Variants in BMPR1B observed in about 807,000 individuals in gnomAD.
BMPR1B encodes the protein bone morphogenetic protein receptor type 1B.
In BMPR1B, 12 loss-of-function variants were observed where a neutral mutation model predicts 59.1. The ratio of observed to expected loss-of-function variants is 0.20; its 90% CI spans 0.13 to 0.33. BMPR1B has a LOEUF of 0.33. Among genes scored for constraint, BMPR1B ranks in the 10% least tolerant of loss-of-function variants. The pLI is 1.00. For synonymous variants in BMPR1B, 237 were observed against 207.3 expected (o/e 1.14, Z -1.23); for missense variants, 550 against 610.9 (o/e 0.90, Z 1.05).
At chr4:94,885,628 A>G (rs1727143021) in intron 2 of BMPR1B, among the ~76,000 whole-genome samples, 1 of 152,178 alleles carries the variant, frequency 6.6e-6, no homozygotes, top group Non-Finnish European at 1.5e-5. Flanking sequence ...GGAAATGTTA[A>G]GTTTATATAG....
At chr4:94,861,051 G>A (rs1028389576) in intron 1 of BMPR1B, among the ~76,000 whole-genome samples, 5 of 150,402 alleles carry the variant, frequency 3.3e-5, no homozygotes, top group Non-Finnish European at 7.4e-5. Context: ...ATTTTATTCT[G>A]TATTCCTTCA....
intron 3 of BMPR1B, among the ~76,000 whole-genome samples, chr4:95,014,695 T>C (rs1723460654): frequency 6.6e-6 from 1 of 152,160 alleles, no homozygotes; most frequent in Admixed American, 6.5e-5. Flanking sequence ...TCCTTTAATA[T>C]CATCTTTTAT....
chr4:94,895,353 A>G (rs1727546526), intron 2 of BMPR1B, among the ~76,000 whole-genome samples: 1 of 151,960 alleles, frequency 6.6e-6, no homozygotes, highest in Non-Finnish European at 1.5e-5. Context: ...TAGCTGCCTT[A>G]AATTTTTCTT....
intron 2 of BMPR1B, among the ~76,000 whole-genome samples, chr4:94,983,007 C>T (rs1188557692): frequency 6.0e-5 from 9 of 150,332 alleles, no homozygotes; most frequent in Admixed American, 2.6e-4. Context: ...AAAAAACAAA[C>T]GAAAAAAAAA....
At chr4:94,927,620 G>C (rs1423573645) in intron 2 of BMPR1B, among the ~76,000 whole-genome samples, 1 of 152,096 alleles carries the variant, frequency 6.6e-6, no homozygotes, top group Non-Finnish European at 1.5e-5. Context: ...GGGAAATGCA[G>C]TTCCAGGATA....
At chr4:95,011,279 TTTC>T (rs1304330810) in intron 3 of BMPR1B, among the ~76,000 whole-genome samples, 2 of 152,130 alleles carry the variant, frequency 1.3e-5, no homozygotes, top group South Asian at 2.1e-4. Flanking sequence ...CTGTTGTTTC[TTTC>T]TTATCATTTA....
chr4:94,905,017 A>T (rs1727983802), intron 2 of BMPR1B, among the ~76,000 whole-genome samples: 1 of 152,062 alleles, frequency 6.6e-6, no homozygotes, highest in Non-Finnish European at 1.5e-5. Context: ...TATTTTTGGC[A>T]AACACCATGA....
intron 1 of BMPR1B, among the ~76,000 whole-genome samples, chr4:94,762,530 G>C (rs1721818542): frequency 6.6e-6 from 1 of 152,152 alleles, no homozygotes; most frequent in African/African-American, 2.4e-5. Context: ...GCACTCACTG[G>C]CCAGGGAGGC....
At chr4:94,878,210 A>G (rs976402482) in intron 2 of BMPR1B, among the ~76,000 whole-genome samples, 1 of 152,234 alleles carries the variant, frequency 6.6e-6, no homozygotes, top group Admixed American at 6.5e-5. Context: ...TTTCAGGAGC[A>G]TAGAGGGGAC....
At chr4:94,993,145 C>T (rs1323374532) in intron 2 of BMPR1B, among the ~76,000 whole-genome samples, 1 of 152,164 alleles carries the variant, frequency 6.6e-6, no homozygotes, top group Non-Finnish European at 1.5e-5. Flanking sequence ...TCTGCCTTGG[C>T]TTCCCAAAGT....
intron 1 of BMPR1B, among the ~76,000 whole-genome samples, chr4:94,788,240 C>T (rs1266222827): frequency 6.6e-6 from 1 of 152,102 alleles, no homozygotes; most frequent in Non-Finnish European, 1.5e-5. Flanking sequence ...ACAATATATT[C>T]ACTTTGAGCT....
chr4:94,782,948 T>C (rs912435262), intron 1 of BMPR1B, among the ~76,000 whole-genome samples: 1 of 152,194 alleles, frequency 6.6e-6, no homozygotes, highest in African/African-American at 2.4e-5. Context: ...CTCCTAATGC[T>C]TGTTTTTGTT....
chr4:94,807,623 A>G (rs1307313164), intron 1 of BMPR1B, among the ~76,000 whole-genome samples: 1 of 152,190 alleles, frequency 6.6e-6, no homozygotes, highest in Non-Finnish European at 1.5e-5. Context: ...GGAGAATAGA[A>G]AGTTAATTCA....
chr4:95,120,689 TTCTTTCTC>T lies in BMPR1B; in HGVS notation c.350-3109_350-3102del, dbSNP rs1260924108. Among the ~76,000 whole-genome samples the T allele has an allele frequency of 1.1e-3, 165 of 149,638 alleles. No homozygotes were observed. In the Middle Eastern group the frequency reaches 0.014, roughly 13 times the overall value. ...TTCTTCTTTCTTTTCTTTTCTTTCT[TTCTTTCTC>T]TCTTTCTCTCTCTCTCTCTTTCTCT... On this transcript the variant is annotated intron_variant, in intron 6 of 12. Coordinates refer to ENST00000515059, the MANE Select transcript of BMPR1B (RefSeq NM_001203.3).
intron 2 of BMPR1B, among the ~76,000 whole-genome samples, chr4:94,931,409 T>C (rs541146065): frequency 6.6e-6 from 1 of 152,184 alleles, no homozygotes; most frequent in South Asian, 2.1e-4. Context: ...ACTCTGTGAT[T>C]GAAAGGACAG....
chr4:94,808,912 G>A (rs192120760), intron 1 of BMPR1B, among the ~76,000 whole-genome samples: 119 of 152,094 alleles, frequency 7.8e-4, no homozygotes, highest in East Asian at 3.9e-3. Context: ...AAAATTAGCC[G>A]GGTGTGGTGG....
chr4:94,801,734 A>C (rs1403609965), intron 1 of BMPR1B, among the ~76,000 whole-genome samples: 2 of 152,248 alleles, frequency 1.3e-5, no homozygotes, highest in East Asian at 1.9e-4. Context: ...ACTTAAACTA[A>C]GTTTTTTTGC....
At chr4:94,957,369 A>C (rs1730184681) in intron 2 of BMPR1B, among the ~76,000 whole-genome samples, 3 of 125,992 alleles carry the variant, frequency 2.4e-5, no homozygotes, top group Admixed American at 8.8e-5. Flanking sequence ...TTCCTTTTGC[A>C]ACATGTGTGT....
intron 1 of BMPR1B, among the ~76,000 whole-genome samples, chr4:94,842,043 A>C (rs973018732): frequency 6.6e-6 from 1 of 152,184 alleles, no homozygotes; most frequent in Non-Finnish European, 1.5e-5. Context: ...TACACTCAGG[A>C]GTTCCGTTAC....
Sources: allele counts gnomAD v4.1 joint callset (sites outside exome capture counted in the v4.1 genomes callset), GRCh38; gene constraint gnomAD v4.1.1; transcripts MANE v1.5; gene names NCBI Gene and HGNC (gene_info 2026-07-23, HGNC 2026-07-21).